SNX1: variants seen among roughly 807,000 people sequenced by gnomAD.
SNX1 encodes the protein sorting nexin-1.
SNX1 carries 36 observed loss-of-function variants against 71.8 expected under a neutral mutation model. That is an observed-to-expected ratio of 0.50 (90% confidence interval 0.38 to 0.66). The LOEUF (loss-of-function observed/expected upper bound fraction) is 0.66, where lower values mean the gene tolerates loss of function less well. SNX1 is among the 30% of genes least tolerant of loss of function. SNX1 has a pLI of 0.00. For missense variants in SNX1, 612 were observed against 646.7 expected (o/e 0.95, Z 0.58); for synonymous variants, 254 against 240.7 (o/e 1.06, Z -0.51).
intron 1 of SNX1, among the ~76,000 whole-genome samples, chr15:64,107,474 G>A (rs1250581856): frequency 1.3e-5 from 2 of 152,192 alleles, no homozygotes; most frequent in Admixed American, 1.3e-4. Flanking sequence ...CCTTCTCTGA[G>A]CTAAGAAAAT....
In SNX1 at chr15:64,138,022, T is replaced by C. The variant is rs930766702; in HGVS notation, c.*404T>C. 6.6e-7 allele frequency: 1 copy of C among 1,510,860 alleles called. No homozygotes were observed. Among genetic ancestry groups the C allele is most frequent in the Non-Finnish European group, 8.8e-7 (1 of 1,138,092 alleles). 93.6% of individuals were successfully genotyped at this position (1,510,860 alleles called of 1,614,324 possible). A position where few individuals can be genotyped will look rare whatever the true frequency, so the allele number is the denominator to read the frequency against. Reference sequence around the variant, plus strand: ...TAAAATCAGGTCACATGACTCAGAATGTTGGTGGTTTTTGCTTAGGCTGGG... The same window carrying C: ...TAAAATCAGGTCACATGACTCAGAACGTTGGTGGTTTTTGCTTAGGCTGGG... On this transcript the variant is annotated 3_prime_UTR_variant, in exon 15 of 15. Transcript: ENST00000559844.
intron 10 of SNX1, 35 bp from the exon 11 acceptor site, chr15:64,131,652 T>A: frequency 6.2e-7 from 1 of 1,600,996 alleles, no homozygotes; most frequent in Non-Finnish European, 8.5e-7. Context: ...CCTTGTGAGA[T>A]CAGAGAGGCC....
intron 14 of SNX1, among the ~76,000 whole-genome samples, 170 bp from the exon 15 acceptor site, chr15:64,137,398 C>T (rs1382867425): frequency 6.6e-6 from 1 of 152,232 alleles, no homozygotes; most frequent in Non-Finnish European, 1.5e-5. Context: ...GCTGCCTTCC[C>T]TGTCGAGAGG....
rs1329941023 is a variant in SNX1 at position 64,140,775 on chromosome 15, G to T, written c.*3157G>T. On this transcript the variant is annotated 3_prime_UTR_variant, in exon 15 of 15. Transcript: ENST00000559844. ...ATTTTTGCATTTTTGGTAGAAATGG[G>T]GGTTTTACCATGTTGGGGAGGCTGG... 6.6e-6 allele frequency: 1 copy of T among 152,034 alleles called. No homozygotes were observed. Among genetic ancestry groups the T allele is most frequent in the Non-Finnish European group, 1.5e-5 (1 of 68,052 alleles). The allele number at this position is 152,034 out of a possible 1,614,324, so 9.4% of individuals were successfully genotyped here. A position where few individuals can be genotyped will look rare whatever the true frequency, so the allele number is the denominator to read the frequency against.
intron 2 of SNX1, among the ~76,000 whole-genome samples, 170 bp from the exon 3 acceptor site, chr15:64,117,946 TC>T (rs1489147747): frequency 6.6e-6 from 1 of 152,230 alleles, no homozygotes; most frequent in African/African-American, 2.4e-5. Flanking sequence ...GAAGAACACT[TC>T]CCTTACCTTC....
In SNX1 at chr15:64,136,175, C is replaced by G. The variant is rs372529682; in HGVS notation, c.1366-155C>G. The stretch of plus-strand genomic sequence containing the variant: ...TAGCCTTCTGCCGGACTCTGACTTA[C>G]GTGTGGAATCCTCTGTGACACCTCA... On this transcript the variant is annotated intron_variant, in intron 12 of 14. Coordinates refer to ENST00000559844, the MANE Select transcript of SNX1 (RefSeq NM_003099.5). Among the ~76,000 whole-genome samples the G allele has an allele frequency of 8.1e-3, 1,233 of 152,268 alleles. 169 individuals carry two copies. The South Asian group carries it at 0.24, about 30-fold the overall frequency.
At chr15:64,127,612 C>G (rs2081266750) in intron 7 of SNX1, 119 bp from the exon 8 acceptor site, 3 of 709,160 alleles carry the variant, frequency 4.2e-6, no homozygotes, top group African/African-American at 1.8e-5. Context: ...AGTACCTTAT[C>G]TTAGGGTACT....
intron 2 of SNX1, 44 bp from the exon 3 acceptor site, chr15:64,118,073 G>A: frequency 6.3e-7 from 1 of 1,597,700 alleles, no homozygotes; most frequent in Non-Finnish European, 8.5e-7. Flanking sequence ...AGCCTTCAAA[G>A]ACTCATTACT....
At chr15:64,101,461 G>T (rs2080960775) in intron 1 of SNX1, among the ~76,000 whole-genome samples, 2 of 152,190 alleles carry the variant, frequency 1.3e-5, no homozygotes, top group Admixed American at 6.5e-5. Flanking sequence ...TTTTAAGGCT[G>T]AATAATATTG....
At chr15:64,100,098 T>A (rs2080943192) in intron 1 of SNX1, among the ~76,000 whole-genome samples, 1 of 152,242 alleles carries the variant, frequency 6.6e-6, no homozygotes, top group Admixed American at 6.5e-5. Flanking sequence ...TTGAAGAATT[T>A]TGAAGTTGAG....
intron 2 of SNX1, chr15:64,115,641 G>A (rs764722639): frequency 2.5e-5 from 8 of 321,136 alleles, no homozygotes; most frequent in South Asian, 1.8e-4. Context: ...ATGGCTCACT[G>A]CAGCCCCGAC....
intron 5 of SNX1, among the ~76,000 whole-genome samples, chr15:64,123,847 C>T (rs1450918874): frequency 6.6e-6 from 1 of 152,106 alleles, no homozygotes; most frequent in Non-Finnish European, 1.5e-5. Flanking sequence ...CACAGATTGC[C>T]CTAAACCATC....
intron 2 of SNX1, 113 bp from the exon 3 acceptor site, chr15:64,118,004 C>G: frequency 2.1e-6 from 2 of 968,092 alleles, no homozygotes; most frequent in Admixed American, 2.4e-5. Flanking sequence ...AGTCTAAGAG[C>G]CTCTATGTAT....
intron 4 of SNX1, among the ~76,000 whole-genome samples, chr15:64,121,496 C>T (rs2081196520): frequency 1.3e-5 from 2 of 152,188 alleles, no homozygotes; most frequent in South Asian, 4.1e-4. Context: ...TCTCTGTGTG[C>T]ACATTCCCTC....
rs140948967 is a variant in SNX1 at position 64,141,387 on chromosome 15, G to T, written c.*3769G>T. ...GTGCATTTTTGTAAAGAGCTTGCAC[G>T]TGTGGAAATCAAGTAGGCCAGTAGT... is the stretch of plus-strand genomic sequence containing the variant. On this transcript the variant is annotated 3_prime_UTR_variant, in exon 15 of 15. Transcript: ENST00000559844. This position sits in a 1 kb window ranked among gnomAD's most constrained non-coding sequence, Gnocchi z 5.1. 1 of 152,274 alleles carries T rather than the reference G, an allele frequency of 6.6e-6. No individual in the cohort carries two copies. Among genetic ancestry groups the T allele is most frequent in the South Asian group, 2.1e-4 (1 of 4,832 alleles). The allele number at this position is 152,274 out of a possible 1,614,324, so 9.4% of individuals were successfully genotyped here. A position where few individuals can be genotyped will look rare whatever the true frequency, so the allele number is the denominator to read the frequency against.
intron 1 of SNX1, among the ~76,000 whole-genome samples, chr15:64,098,751 C>T (rs1351020722): frequency 6.6e-6 from 1 of 151,228 alleles, no homozygotes; most frequent in Non-Finnish European, 1.5e-5. Context: ...CAGTTTGATT[C>T]ATCTTACCAT....
chr15:64,135,422 C>T (rs959603563), intron 12 of SNX1, among the ~76,000 whole-genome samples: 1 of 150,382 alleles, frequency 6.6e-6, no homozygotes, highest in African/African-American at 2.4e-5. Context: ...TTTAGACCAG[C>T]CTGGCCAACA....
At chr15:64,136,244 T>G (rs1277402987) in intron 12 of SNX1, 86 bp from the exon 13 acceptor site, 1 of 1,001,552 alleles carries the variant, frequency 1.0e-6, no homozygotes, top group Admixed American at 1.7e-5. Context: ...AATTGAGCCC[T>G]CATATGTAAA....
intron 5 of SNX1, among the ~76,000 whole-genome samples, chr15:64,124,147 C>CATATATATATATATATATATATATATAT (rs10523424): frequency 4.7e-5 from 5 of 105,418 alleles, no homozygotes; most frequent in Admixed American, 8.2e-5. Flanking sequence ...GAAATCTTTA[C>CATATATATATATATATATATATATATAT]ATATATATAT....
Sources: allele counts gnomAD v4.1 joint callset (sites outside exome capture counted in the v4.1 genomes callset), GRCh38; gene constraint gnomAD v4.1.1; non-coding constraint Gnocchi (gnomAD v3.1); transcripts MANE v1.5; gene names NCBI Gene and HGNC (gene_info 2026-07-23, HGNC 2026-07-21).